Variants in DLC1 observed in about 807,000 individuals in gnomAD.
The protein encoded by DLC1 is rho GTPase-activating protein 7.
Under a neutral mutation model 140.3 loss-of-function variants are expected in DLC1, and 54 were observed. The observed-to-expected ratio is 0.38, with a 90% CI of 0.31 to 0.48. DLC1 has a LOEUF of 0.48. Ranked by LOEUF, DLC1 falls within the 20% of genes least tolerant of loss-of-function variation. DLC1 has a pLI of 0.96. For synonymous variants in DLC1, 986 were observed against 728.1 expected, an observed-to-expected ratio of 1.35 and a Z score of -5.70; for missense variants, 2,536 against 1,907.0, an observed-to-expected ratio of 1.33 and a Z score of -6.14.
chr8:13,305,156 C>G, intron 5 of DLC1, 113 bp downstream of exon 5: 5 of 1,428,266 alleles, frequency 3.5e-6, no homozygotes, highest in South Asian at 3.2e-5. Flanking sequence ...ACAACATTTT[C>G]CCATATATTC....
intron 5 of DLC1, among the ~76,000 whole-genome samples, chr8:13,239,194 T>C (rs1011474328): frequency 4.6e-5 from 7 of 152,146 alleles, no homozygotes; most frequent in African/African-American, 1.7e-4. Context: ...CTGTGGAGAA[T>C]CAACAAGAGC....
At chr8:13,325,144 C>T (rs188366363) in intron 4 of DLC1, among the ~76,000 whole-genome samples, 58 of 152,136 alleles carry the variant, frequency 3.8e-4, no homozygotes, top group African/African-American at 1.3e-3. Context: ...TATAAAACAA[C>T]TAGGTAAAAA....
chr8:13,595,529 G>C (rs551770658), intron 1 of DLC1, among the ~76,000 whole-genome samples: 3 of 151,984 alleles, frequency 2.0e-5, no homozygotes, highest in Admixed American at 2.0e-4. Flanking sequence ...ATAAATACCA[G>C]ATAAATGTTA....
intron 1 of DLC1, among the ~76,000 whole-genome samples, chr8:13,520,896 G>A (rs1242157325): frequency 6.6e-6 from 1 of 152,020 alleles, no homozygotes; most frequent in Non-Finnish European, 1.5e-5. Context: ...CACCACCCTT[G>A]TTACATTACA....
At chr8:13,164,068 G>A (rs1389102763) in intron 5 of DLC1, among the ~76,000 whole-genome samples, 4 of 152,048 alleles carry the variant, frequency 2.6e-5, no homozygotes, top group South Asian at 2.1e-4. Context: ...AGGCCGAGGC[G>A]GGCGGATCAC....
intron 2 of DLC1, among the ~76,000 whole-genome samples, chr8:13,477,828 A>G (rs959735597): frequency 4.6e-5 from 7 of 151,918 alleles, no homozygotes; most frequent in Admixed American, 6.6e-5. Context: ...TAACTAGGAA[A>G]GATCAACCAA....
intron 4 of DLC1, among the ~76,000 whole-genome samples, chr8:13,335,970 T>C: frequency 6.6e-6 from 1 of 152,290 alleles, no homozygotes; most frequent in East Asian, 1.9e-4. Flanking sequence ...AACATTAAAT[T>C]ATGTAATATT....
In DLC1 at chr8:13,538,182, G is replaced by T. The variant is rs147619388; in HGVS notation, c.-125-37986C>A. The stretch of plus-strand genomic sequence containing the variant: ...CCTTCTTAAATACTGGAAAGTGGGA[G>T]CAGAGATAATATGACGACCACCTGA... On this transcript the variant is annotated intron_variant, in intron 1 of 1. Transcript: ENST00000631382. Among the ~76,000 whole-genome samples, 178 of 152,240 alleles carry T rather than the reference G, an allele frequency of 1.2e-3. 1 individual carries two copies. Among genetic ancestry groups the T allele is most frequent in the African/African-American group, 4.0e-3 (167 of 41,560 alleles).
chr8:13,552,039 G>A (rs937585093), intron 1 of DLC1, among the ~76,000 whole-genome samples: 4 of 129,790 alleles, frequency 3.1e-5, no homozygotes, highest in South Asian at 2.5e-4. Context: ...ATGTGTGTGT[G>A]TATATATATA....
intron 5 of DLC1, among the ~76,000 whole-genome samples, chr8:13,207,466 G>A (rs1277764659): frequency 1.3e-5 from 2 of 151,988 alleles, no homozygotes; most frequent in Admixed American, 6.6e-5. Flanking sequence ...TCCTTCTTTA[G>A]GCTAAGATTT....
chr8:13,344,146 T>G (rs1157214950), intron 4 of DLC1, among the ~76,000 whole-genome samples: 1 of 152,204 alleles, frequency 6.6e-6, no homozygotes, highest in Non-Finnish European at 1.5e-5. Flanking sequence ...AAATTCTGTA[T>G]CTTGAGCTGA....
intron 5 of DLC1, among the ~76,000 whole-genome samples, chr8:13,155,413 T>A (rs997726286): frequency 6.6e-6 from 1 of 152,056 alleles, no homozygotes; most frequent in Non-Finnish European, 1.5e-5. Flanking sequence ...TTTAGAGTCT[T>A]AAGTACTGTA....
intron 3 of DLC1, among the ~76,000 whole-genome samples, chr8:13,394,711 T>C (rs992087150): frequency 6.6e-6 from 1 of 152,170 alleles, no homozygotes; most frequent in Non-Finnish European, 1.5e-5. Flanking sequence ...GCACCCCAAC[T>C]CTCCAGTCTT....
intron 1 of DLC1, among the ~76,000 whole-genome samples, chr8:13,531,384 A>C (rs1803092024): frequency 6.6e-6 from 1 of 152,138 alleles, no homozygotes. Flanking sequence ...TCAGGAGTTC[A>C]AGACCAGCCT....
At chr8:13,240,384 G>A (rs1224356773) in intron 5 of DLC1, among the ~76,000 whole-genome samples, 1 of 152,254 alleles carries the variant, frequency 6.6e-6, no homozygotes, top group South Asian at 2.1e-4. Flanking sequence ...CTTTGGTGGA[G>A]AAAAAGAATG....
intron 4 of DLC1, among the ~76,000 whole-genome samples, chr8:13,385,294 A>G (rs1563303368): frequency 6.6e-6 from 1 of 152,222 alleles, no homozygotes; most frequent in Non-Finnish European, 1.5e-5. Context: ...AGATAAAGCA[A>G]TCTACAGTAA....
intron 1 of DLC1, chr8:13,558,346 T>C (rs763181971): frequency 2.0e-5 from 3 of 152,136 alleles, no homozygotes; most frequent in African/African-American, 7.2e-5. Context: ...TTTGGGGATG[T>C]GTAGTTATGG....
At chr8:13,149,110 C>T (rs1486725006) in intron 5 of DLC1, among the ~76,000 whole-genome samples, 1 of 152,062 alleles carries the variant, frequency 6.6e-6, no homozygotes, top group African/African-American at 2.4e-5. Context: ...TTTTATGATA[C>T]TGTTTGGAAA....
intron 2 of DLC1, among the ~76,000 whole-genome samples, chr8:13,470,932 C>T (rs867266191): frequency 8.5e-5 from 13 of 152,216 alleles, no homozygotes; most frequent in African/African-American, 1.9e-4. Context: ...CACCCATACA[C>T]GTGCATGCAT....
Sources: gnomAD v4.1 joint callset for allele counts (sites outside exome capture counted in the v4.1 genomes callset) on GRCh38, gnomAD v4.1.1 for gene constraint, MANE v1.5 for transcripts, NCBI Gene and HGNC (gene_info 2026-07-23, HGNC 2026-07-21) for gene names.